Variants in HIPK3 observed in about 807,000 individuals in gnomAD.
The protein encoded by HIPK3 is homeodomain-interacting protein kinase 3.
Under a neutral mutation model 124.2 loss-of-function variants are expected in HIPK3, and 47 were observed. The ratio of observed to expected loss-of-function variants is 0.38; its 90% CI spans 0.30 to 0.48. HIPK3 has a LOEUF of 0.48. HIPK3 is among the 20% of genes least tolerant of loss of function. The pLI is 0.98. For missense variants in HIPK3, 1,286 were observed against 1,454.3 expected, an observed-to-expected ratio of 0.88 and a Z score of 1.88; for synonymous variants, 482 against 515.2, an observed-to-expected ratio of 0.94 and a Z score of 0.87.
At position 33,353,417 on chromosome 11, in the gene HIPK3, T is replaced by C; in HGVS notation, c.3497T>C (p.Val1166Ala). The change falls in exon 17 of 17, where the codon GTG becomes GCG. Residue 1166 changes from valine (V) to alanine (A), a missense_variant. Around this residue, in one of 3 missense-constraint regions of HIPK3, gnomAD observed 810 missense variants for 864.9 expected, o/e 0.94. Transcript: ENST00000303296. ...AGTGGCATAGTTCACCAAGTCCCAG[T>C]GGGCTTAAATCCCCGTCTGTTACCA... ...HPSGIVHQVP[V>A]GLNPRLLPSP... The C allele has an allele frequency of 6.2e-7, 1 of 1,614,102 alleles. No homozygotes were observed. Among genetic ancestry groups the C allele is most frequent in the Non-Finnish European group, 8.5e-7 (1 of 1,179,962 alleles).
intron 13 of HIPK3, 152 bp downstream of exon 13, chr11:33,348,970 A>G (rs1003381091): frequency 2.1e-6 from 2 of 931,108 alleles, no homozygotes; most frequent in Non-Finnish European, 3.2e-6. Flanking sequence ...GGAACTTTCT[A>G]AATAACATTT....
At chr11:33,315,516 C>T (rs574275081) in intron 2 of HIPK3, among the ~76,000 whole-genome samples, 14 of 152,172 alleles carry the variant, frequency 9.2e-5, no homozygotes, top group East Asian at 7.7e-4. Context: ...TGAGCCACTG[C>T]GCCTGGCCTT....
intron 2 of HIPK3, among the ~76,000 whole-genome samples, chr11:33,295,277 G>GCCCCCCCCCCCCCCCCCCCCCCCC: frequency 9.4e-6 from 1 of 106,634 alleles, no homozygotes; most frequent in South Asian, 3.3e-4. Context: ...AGCCACCACC[G>GCCCCCCCCCCCCCCCCCCCCCCCC]CCCCCCCCCC....
At chr11:33,277,945 AAT>A (rs1261328871) in intron 1 of HIPK3, among the ~76,000 whole-genome samples, 2 of 152,344 alleles carry the variant, frequency 1.3e-5, no homozygotes, top group African/African-American at 4.8e-5. Context: ...TACCAAACAT[AAT>A]ATGACTTCTT....
rs1853835711 is a variant in HIPK3, at chr11:33,357,008, T to C, written c.*3440T>C. On this transcript the variant is annotated 3_prime_UTR_variant, in exon 17 of 17. Coordinates refer to ENST00000303296, the MANE Select transcript of HIPK3 (RefSeq NM_005734.5). ...TGTCGATTCACTTTGAATTAAAATATATATATTGCAGCAAACAGCTTGTTG... is the reference window on the plus strand; with the variant it reads ...TGTCGATTCACTTTGAATTAAAATACATATATTGCAGCAAACAGCTTGTTG... 1 of 152,140 alleles carries C rather than the reference T, an allele frequency of 6.6e-6. No homozygotes were observed. Among genetic ancestry groups the C allele is most frequent in the African/African-American group, 2.4e-5 (1 of 41,450 alleles). The allele number at this position is 152,140 out of a possible 1,614,324, so 9.4% of individuals were successfully genotyped here.
At chr11:33,327,247 T>C (rs758630110) in intron 2 of HIPK3, among the ~76,000 whole-genome samples, 3 of 152,150 alleles carry the variant, frequency 2.0e-5, no homozygotes, top group Non-Finnish European at 4.4e-5. Context: ...CATATCAGAA[T>C]TGCATGCCTA....
intron 2 of HIPK3, among the ~76,000 whole-genome samples, chr11:33,308,938 TCTC>T (rs1017271140): frequency 1.3e-5 from 2 of 151,796 alleles, no homozygotes; most frequent in African/African-American, 4.8e-5. Flanking sequence ...AAATTCCTCT[TCTC>T]ACCAATATTT....
chr11:33,323,745 T>C (rs561456238), intron 2 of HIPK3, among the ~76,000 whole-genome samples: 3 of 152,312 alleles, frequency 2.0e-5, no homozygotes, highest in African/African-American at 7.2e-5. Flanking sequence ...GATTGATAAA[T>C]TCAACTAAAA....
chr11:33,344,030 T>G, intron 8 of HIPK3, among the ~76,000 whole-genome samples: 1 of 152,184 alleles, frequency 6.6e-6, no homozygotes, highest in East Asian at 1.9e-4. Flanking sequence ...AAGTGTTTAT[T>G]ATAGGAATTT....
At chr11:33,328,693 C>T (rs1051927084) in intron 3 of HIPK3, 60 bp downstream of exon 3, 80 of 1,503,082 alleles carry the variant, frequency 5.3e-5, no homozygotes, top group South Asian at 5.2e-4. Context: ...AACAGACTTA[C>T]AGGAACACAT....
chr11:33,335,804 G>A (rs1853127017), intron 3 of HIPK3: 2 of 152,082 alleles, frequency 1.3e-5, no homozygotes, highest in Non-Finnish European at 2.9e-5. Flanking sequence ...TCAAATACAG[G>A]TTAGGGGAGT....
chr11:33,273,031 G>T (rs915863465), intron 1 of HIPK3, among the ~76,000 whole-genome samples: 2 of 150,922 alleles, frequency 1.3e-5, no homozygotes, highest in Non-Finnish European at 2.9e-5. Flanking sequence ...ATGGGGTCTT[G>T]CCATCTTGCC....
rs373644583 is a variant in HIPK3 at position 33,339,362 on chromosome 11, A to G, written c.1441A>G (p.Met481Val). Residue 481 changes from methionine (M) to valine (V), a missense_variant, in exon 6 of 17, where the codon ATG becomes GTG. By Grantham distance (21) the Met-to-Val change is conservative. Coordinates refer to ENST00000303296, the MANE Select transcript of HIPK3 (RefSeq NM_005734.5). Reference protein sequence around the residue: ...LDDVAHVNTVMDLEGSDLLAE... With the variant: ...LDDVAHVNTVVDLEGSDLLAE... ...TTGATTTTCTTAGGTGAACACAGTGATGGATTTGGAAGGAAGTGATCTTTT... is the reference window on the plus strand; with the variant it reads ...TTGATTTTCTTAGGTGAACACAGTGGTGGATTTGGAAGGAAGTGATCTTTT... 4.0e-5 allele frequency: 64 copies of G among 1,612,478 alleles called. No individual in the cohort carries two copies. The highest frequency in any genetic ancestry group is 5.3e-5 in the Non-Finnish European group (63 of 1,178,952).
rs541797942 is a variant in HIPK3, at chr11:33,267,520, G to T, written c.-3+9631G>T. Among the ~76,000 whole-genome samples, 609 of 151,408 alleles carry T rather than the reference G, an allele frequency of 4.0e-3. 10 individuals carry two copies. The highest frequency in any genetic ancestry group is 3.7e-3 in the Non-Finnish European group (253 of 67,838). On this transcript the variant is annotated intron_variant, in intron 1 of 16. Coordinates refer to ENST00000303296, the MANE Select transcript of HIPK3 (RefSeq NM_005734.5). The stretch of plus-strand genomic sequence containing the variant: ...TATTATTATTTTTTTTTTTGAGACG[G>T]AGTCTCGCTCTGTCCCCCAGGCTGG...
chr11:33,257,334 G>A, upstream of HIPK3: 1 of 984,364 alleles, frequency 1.0e-6, no homozygotes, highest in Non-Finnish European at 1.2e-6. Context: ...CGGAGGCGGT[G>A]GCCGAGGCCG....
chr11:33,302,265 T>G (rs1852022759), intron 2 of HIPK3, among the ~76,000 whole-genome samples: 1 of 152,066 alleles, frequency 6.6e-6, no homozygotes, highest in Non-Finnish European at 1.5e-5. Context: ...ATGTTTCACA[T>G]CTAATCATTT....
Position 33,347,848 on chromosome 11 carries a change from C to T in HIPK3, c.2145-4C>T. On this transcript the variant is annotated splice_polypyrimidine_tract_variant and splice_region_variant and intron_variant, in intron 10 of 16. Coordinates refer to ENST00000303296, the MANE Select transcript of HIPK3 (RefSeq NM_005734.5). ...TAAAAACATTGTTCTGAACTTCTCC[C>T]TAGGAAGATGATTTCATGCAGCAAT... The T allele has an allele frequency of 6.2e-7, 1 of 1,613,966 alleles. No homozygotes were observed.
chr11:33,291,505 A>G (rs1039879963), intron 2 of HIPK3, among the ~76,000 whole-genome samples: 2 of 152,192 alleles, frequency 1.3e-5, no homozygotes, highest in Non-Finnish European at 2.9e-5. Flanking sequence ...GAAATTGTTG[A>G]CTACTATAGA....
intron 1 of HIPK3, chr11:33,258,385 ATGGCCGCGTCCCGGGCTTTG>A: frequency 1.0e-6 from 1 of 985,836 alleles, no homozygotes; most frequent in Non-Finnish European, 1.2e-6. Context: ...ACCCCAGCCG[ATGGCCGCGTCCCGGGCTTTG>A]TGGCCCCGTC....
Sources: gnomAD v4.1 joint callset for allele counts (sites outside exome capture counted in the v4.1 genomes callset) on GRCh38, gnomAD v4.1.1 for gene constraint, gnomAD v4.1.1 regional missense constraint, MANE v1.5 for transcripts, NCBI Gene and HGNC (gene_info 2026-07-23, HGNC 2026-07-21) for gene names.